The following SMARCC1 variants were observed in gnomAD, a reference collection of about 807,000 sequenced individuals.
SMARCC1 encodes the protein SWI/SNF complex subunit SMARCC1.
A neutral mutation model predicts 147.4 loss-of-function variants in SMARCC1; 43 were observed. The observed-to-expected ratio is 0.29, with a 90% CI of 0.23 to 0.38. The LOEUF is 0.38. Ranked by LOEUF, SMARCC1 falls within the 10% of genes least tolerant of loss-of-function variation. SMARCC1 has a pLI of 1.00. For missense variants in SMARCC1, 1,119 were observed against 1,381.1 expected (o/e 0.81, Z 3.01); for synonymous variants, 495 against 484.4 (o/e 1.02, Z -0.29).
rs1350709514 is a variant in SMARCC1 at position 47,587,015 on chromosome 3, A to T, written c.*1194T>A. 4 of 152,570 alleles carry T rather than the reference A, an allele frequency of 2.6e-5. No homozygotes were observed. The highest frequency in any genetic ancestry group is 6.6e-5 in the Admixed American group (1 of 15,264). 9.5% of individuals were successfully genotyped at this position (152,570 alleles called of 1,614,324 possible). ...TTGTTACCCTCAGCATCTCTTTGAAAACCCTGTGATAGATGGAATGTGAGA... is the reference window on the plus strand; with the variant it reads ...TTGTTACCCTCAGCATCTCTTTGAATACCCTGTGATAGATGGAATGTGAGA... On this transcript the variant is annotated 3_prime_UTR_variant, in exon 28 of 28. Transcript: ENST00000254480.
intron 7 of SMARCC1, among the ~76,000 whole-genome samples, chr3:47,719,327 A>C (rs2034201941): frequency 6.6e-6 from 1 of 152,208 alleles, no homozygotes; most frequent in South Asian, 2.1e-4. Context: ...TAGGCAAATA[A>C]ATTTCTGATG....
chr3:47,652,006 C>A (rs2106722899), intron 21 of SMARCC1, among the ~76,000 whole-genome samples: 1 of 152,292 alleles, frequency 6.6e-6, no homozygotes, highest in Middle Eastern at 3.4e-3. Context: ...GAGACATGGT[C>A]TCGCTTAGTC....
In SMARCC1 at chr3:47,590,802, G is replaced by T; in HGVS notation, c.3079C>A (p.Gln1027Lys). Residue 1027 changes from glutamine to lysine, a missense_variant, in exon 27 of 28, where the codon CAG (glutamine) becomes AAG (lysine). This residue lies in a region of SMARCC1 where 186 missense variants were observed against 216.5 expected (regional missense o/e 0.86). Coordinates refer to ENST00000254480, the MANE Select transcript of SMARCC1 (RefSeq NM_003074.4). Reference protein sequence around the residue: ...IPGPGSMMPGQHMPGRMIPTV... With the variant: ...IPGPGSMMPGKHMPGRMIPTV... Reference sequence around the variant, plus strand: ...GGAATCATGCGGCCTGGCATGTGCTGCCCGGGCATCATGGAACCTGGGCCT... The same window carrying T: ...GGAATCATGCGGCCTGGCATGTGCTTCCCGGGCATCATGGAACCTGGGCCT... 6.2e-7 allele frequency: 1 copy of T among 1,602,180 alleles called. No homozygotes were observed. Among genetic ancestry groups the T allele is most frequent in the South Asian group, 1.1e-5 (1 of 88,844 alleles).
At chr3:47,663,599 C>G in intron 19 of SMARCC1, 1 of 1,471,888 alleles carries the variant, frequency 6.8e-7, no homozygotes, top group Non-Finnish European at 9.4e-7. Flanking sequence ...TTTTCTCCTG[C>G]TGCTGTGGCC....
Position 47,738,112 on chromosome 3 carries a change from T to A in SMARCC1, c.402-2A>T. The A allele has an allele frequency of 1.3e-6, 2 of 1,512,068 alleles. No individual in the cohort carries two copies. Among genetic ancestry groups the A allele is most frequent in the Admixed American group, 2.1e-5 (1 of 46,562 alleles). 93.7% of individuals were successfully genotyped at this position (1,512,068 alleles called of 1,614,324 possible). A position where few individuals can be genotyped will look rare whatever the true frequency, so the allele number is the denominator to read the frequency against. On this transcript the variant is annotated splice_acceptor_variant, in intron 3 of 27. Coordinates refer to ENST00000254480, the MANE Select transcript of SMARCC1 (RefSeq NM_003074.4). LOFTEE classifies it high-confidence loss of function. ...GGGTTCTGTAGGTCAAACCTCCGCC[T>A]AAAAAAAAAGAAAAACCCTAGTTAA... is the stretch of plus-strand genomic sequence containing the variant.
At position 47,778,325 on chromosome 3, in the gene SMARCC1, T is replaced by C. The variant is rs1437603152; in HGVS notation, c.195+3278A>G. On this transcript the variant is annotated intron_variant, in intron 1 of 27. Transcript: ENST00000254480. Reference sequence around the variant, plus strand: ...TTGTTTTGTTTTGTTTCGTTTTGTTTTGAGACAAGGTCTCGCTCTGTTGCC... The same window carrying C: ...TTGTTTTGTTTTGTTTCGTTTTGTTCTGAGACAAGGTCTCGCTCTGTTGCC... Among the ~76,000 whole-genome samples the C allele has an allele frequency of 2.0e-5, 3 of 152,206 alleles. No individual in the cohort carries two copies. The East Asian group carries it at 5.8e-4, about 29-fold the overall frequency.
In SMARCC1 at chr3:47,610,121, G is replaced by C; in HGVS notation, c.2988C>G (p.Pro996=). The C allele has an allele frequency of 1.9e-6, 3 of 1,613,472 alleles. No individual in the cohort carries two copies. In the South Asian group the frequency reaches 3.3e-5, roughly 18 times the overall value. Residue 996 remains proline, a synonymous_variant, in exon 26 of 28, where the codon CCC becomes CCG. Coordinates refer to ENST00000254480, the MANE Select transcript of SMARCC1 (RefSeq NM_003074.4). ...GHPGMMPHQQ[P]PPYPLMHHQM... is the part of the protein sequence containing the mutation. The stretch of plus-strand genomic sequence containing the variant: ...GGTGGTGCATCAGAGGGTAGGGAGG[G>C]GGCTGTTGATGAGGCATCATGCCAG...
At chr3:47,721,306 T>C (rs2034230138) in intron 6 of SMARCC1, among the ~76,000 whole-genome samples, 1 of 152,150 alleles carries the variant, frequency 6.6e-6, no homozygotes, top group Admixed American at 6.6e-5. Flanking sequence ...CTGTTAGCCC[T>C]CCCAACAAGA....
chr3:47,631,563 C>G (rs2032891508), intron 24 of SMARCC1, among the ~76,000 whole-genome samples: 1 of 152,148 alleles, frequency 6.6e-6, no homozygotes, highest in African/African-American at 2.4e-5. Flanking sequence ...CACACCACTC[C>G]TTTAGTTGAG....
chr3:47,610,126 G>C lies in SMARCC1; in HGVS notation c.2983C>G (p.Gln995Glu). Residue 995 changes from glutamine to glutamate, a missense_variant, in exon 26 of 28, where the codon CAG (glutamine) becomes GAG (glutamate). Around this residue, in one of 6 missense-constraint regions of SMARCC1, gnomAD observed 186 missense variants for 216.5 expected, o/e 0.86. Coordinates refer to ENST00000254480, the MANE Select transcript of SMARCC1 (RefSeq NM_003074.4). ...TGCATCAGAGGGTAGGGAGGGGGCTGTTGATGAGGCATCATGCCAGGGTGC... is the reference window on the plus strand; with the variant it reads ...TGCATCAGAGGGTAGGGAGGGGGCTCTTGATGAGGCATCATGCCAGGGTGC... Reference protein sequence around the residue: ...AGHPGMMPHQQPPPYPLMHHQ... With the variant: ...AGHPGMMPHQEPPPYPLMHHQ... 1 of 1,613,644 alleles carries C rather than the reference G, an allele frequency of 6.2e-7. No individual in the cohort carries two copies. Among genetic ancestry groups the C allele is most frequent in the East Asian group, 2.2e-5 (1 of 44,888 alleles).
chr3:47,633,769 T>A (rs867446782), intron 24 of SMARCC1, among the ~76,000 whole-genome samples: 836 of 12,766 alleles, frequency 0.065, 168 homozygotes, highest in East Asian at 0.14. Flanking sequence ...AAAAAATATA[T>A]ATATATATAT....
At chr3:47,702,510 C>T (rs2033935718) in intron 10 of SMARCC1, among the ~76,000 whole-genome samples, 2 of 152,270 alleles carry the variant, frequency 1.3e-5, no homozygotes, top group Admixed American at 1.3e-4. Context: ...AATCCCAGAA[C>T]ATTGGAAGGG....
chr3:47,767,541 T>C, intron 2 of SMARCC1, among the ~76,000 whole-genome samples: 2 of 126,038 alleles, frequency 1.6e-5, no homozygotes, highest in Non-Finnish European at 1.7e-5. Context: ...GCACCCAGCC[T>C]CCACTCTGAT....
intron 3 of SMARCC1, among the ~76,000 whole-genome samples, chr3:47,740,459 C>T (rs1470237624): frequency 6.6e-6 from 1 of 150,898 alleles, no homozygotes; most frequent in Non-Finnish European, 1.5e-5. Flanking sequence ...CCTCCCAAAG[C>T]ACTGTGATTA....
At chr3:47,779,109 G>A (rs1189592532) in intron 1 of SMARCC1, among the ~76,000 whole-genome samples, 4 of 151,654 alleles carry the variant, frequency 2.6e-5, no homozygotes, top group East Asian at 3.9e-4. Context: ...TTAAGTACCC[G>A]GCACATGGTA....
intron 11 of SMARCC1, among the ~76,000 whole-genome samples, chr3:47,694,858 CG>C (rs1198466428): frequency 6.6e-6 from 1 of 152,144 alleles, no homozygotes; most frequent in Non-Finnish European, 1.5e-5. Context: ...ACATAATCAA[CG>C]GTAAATACTA....
intron 26 of SMARCC1, among the ~76,000 whole-genome samples, chr3:47,608,798 A>G (rs1490445777): frequency 6.8e-6 from 1 of 147,516 alleles, no homozygotes; most frequent in Non-Finnish European, 1.5e-5. Context: ...GCAGTGAGCC[A>G]TGATCATGTC....
chr3:47,627,631 T>C (rs1261184066), intron 24 of SMARCC1, among the ~76,000 whole-genome samples: 1 of 152,178 alleles, frequency 6.6e-6, no homozygotes, highest in Non-Finnish European at 1.5e-5. Context: ...GGTGCGGCTA[T>C]AAAGCTTTTT....
At chr3:47,768,754 C>CATAAA (rs1446471191) in intron 2 of SMARCC1, among the ~76,000 whole-genome samples, 2 of 152,098 alleles carry the variant, frequency 1.3e-5, no homozygotes, top group Non-Finnish European at 2.9e-5. Context: ...ATTTTTCACA[C>CATAAA]ATAAAATACA....
Sources: gnomAD v4.1 joint callset for allele counts (sites outside exome capture counted in the v4.1 genomes callset) on GRCh38, gnomAD v4.1.1 for gene constraint, gnomAD v4.1.1 regional missense constraint, MANE v1.5 for transcripts, NCBI Gene and HGNC (gene_info 2026-07-23, HGNC 2026-07-21) for gene names.